IL12RB2: variants seen among roughly 807,000 people sequenced by gnomAD.
The protein encoded by IL12RB2 is interleukin-12 receptor subunit beta-2.
A neutral mutation model predicts 89.4 loss-of-function variants in IL12RB2; 82 were observed. That is an observed-to-expected ratio of 0.92 (90% confidence interval 0.77 to 1.10). The LOEUF is 1.10. Among genes scored for constraint, IL12RB2 ranks in the 50% least tolerant of loss-of-function variants. IL12RB2 has a pLI of 0.00. For missense variants in IL12RB2, 963 were observed against 1,031.9 expected (o/e 0.93, Z 0.92); for synonymous variants, 368 against 370.1 (o/e 0.99, Z 0.07).
chr1:67,373,275 A>AT (rs1663572094), intron 13 of IL12RB2, among the ~76,000 whole-genome samples: 1 of 152,062 alleles, frequency 6.6e-6, no homozygotes, highest in South Asian at 2.1e-4. Flanking sequence ...TGTCCAGCTA[A>AT]TTTTTTAATT....
intron 2 of IL12RB2, among the ~76,000 whole-genome samples, chr1:67,315,841 G>C (rs1655687800): frequency 6.6e-6 from 1 of 152,154 alleles, no homozygotes; most frequent in Admixed American, 6.5e-5. Flanking sequence ...TTTCATATGG[G>C]AGTTTCACCT....
At chr1:67,310,100 A>C (rs6670734) in intron 1 of IL12RB2, among the ~76,000 whole-genome samples, 59,649 of 147,620 alleles carry the variant, frequency 0.4, 13,178 homozygotes, top group African/African-American at 0.6. Context: ...AGGAGAATCG[A>C]TTGAACCCGG....
chr1:67,396,169 C>T lies in IL12RB2; in HGVS notation c.*80C>T. 1 of 880,818 alleles carries T rather than the reference C, an allele frequency of 1.1e-6. No individual in the cohort carries two copies. Among genetic ancestry groups the T allele is most frequent in the South Asian group, 1.3e-5 (1 of 76,422 alleles). The allele number at this position is 880,818 out of a possible 1,614,324, so 54.6% of individuals were successfully genotyped here. A position where few individuals can be genotyped will look rare whatever the true frequency, so the allele number is the denominator to read the frequency against. On this transcript the variant is annotated 3_prime_UTR_variant, in exon 17 of 17. Transcript: ENST00000674203. ...CCAATTCCCCCAGCCCCTGCTCCAG[C>T]AGCTGTCATCTCTGGGTGCCACCAT... is the stretch of plus-strand genomic sequence containing the variant.
At chr1:67,340,975 C>T (rs1267486636) in intron 9 of IL12RB2, among the ~76,000 whole-genome samples, 1 of 152,190 alleles carries the variant, frequency 6.6e-6, no homozygotes, top group Non-Finnish European at 1.5e-5. Flanking sequence ...TATTCTGGGA[C>T]AGGGAGAATC....
At chr1:67,320,300 T>G in intron 2 of IL12RB2, 33 bp from the exon 3 acceptor site, 2 of 1,612,784 alleles carry the variant, frequency 1.2e-6, no homozygotes, top group Non-Finnish European at 1.7e-6. Context: ...TCTGAACATA[T>G]TTAACATGAA....
At position 67,328,315 on chromosome 1, in the gene IL12RB2, A is replaced by T. The variant is rs1455587087; in HGVS notation, c.595A>T (p.Lys199Ter). The T allele has an allele frequency of 6.2e-7, 1 of 1,614,154 alleles. No homozygotes were observed. Among genetic ancestry groups the T allele is most frequent in the Non-Finnish European group, 8.5e-7 (1 of 1,180,018 alleles). Residue 199 changes from lysine (K) to a stop codon, truncating the protein, a stop_gained, in exon 6 of 17, where the codon AAG (lysine) becomes TAG (stop). Coordinates refer to ENST00000674203, the MANE Select transcript of IL12RB2 (RefSeq NM_001374259.2). LOFTEE classifies it high-confidence loss of function. ...PESPESNFTA[K>*]VTAVNSLGSS... ...ATCACCTGAATCCAATTTCACAGCC[A>T]AGGTTACTGCTGTCAATAGTCTTGG...
chr1:67,343,634 A>G (rs10889683), intron 9 of IL12RB2, among the ~76,000 whole-genome samples: 2 of 151,942 alleles, frequency 1.3e-5, no homozygotes, highest in Non-Finnish European at 2.9e-5. Flanking sequence ...TTCTTTCCTT[A>G]ATTAAGTATC....
chr1:67,329,761 T>G, intron 7 of IL12RB2, 32 bp downstream of exon 7: 1 of 1,489,504 alleles, frequency 6.7e-7, no homozygotes, highest in Non-Finnish European at 9.4e-7. Context: ...GAAAAAACAC[T>G]GAAGCATTCT....
chr1:67,324,587 G>A (rs148300529), intron 4 of IL12RB2, among the ~76,000 whole-genome samples: 41 of 152,342 alleles, frequency 2.7e-4, no homozygotes, highest in Middle Eastern at 3.4e-3. Flanking sequence ...CTGGGCTCAA[G>A]CTGTCTGCCT....
rs369298433 is a variant in IL12RB2 at position 67,350,964 on chromosome 1, C to T, written c.1133C>T (p.Thr378Ile). The change falls in exon 10 of 17, where the codon ACA (threonine) becomes ATA (isoleucine). Residue 378 changes from threonine (T) to isoleucine (I), a missense_variant. Physicochemically the swap from Thr to Ile is moderately conservative, Grantham distance 89 (BLOSUM62 -1). Transcript: ENST00000674203. ...GGGAAAGCCATGACACAGAACATCA[C>T]AGGACACACCTCCTGGACCACAGTC... ...TGGKAMTQNI[T>I]GHTSWTTVIP... is the part of the protein sequence containing the mutation. 2.2e-5 allele frequency: 36 copies of T among 1,614,018 alleles called. No homozygotes were observed. The African/African-American group carries it at 3.9e-4, about 17-fold the overall frequency.
Position 67,367,832 on chromosome 1 carries a change from G to A in IL12RB2, c.1266G>A (p.Leu422=), listed in dbSNP as rs1662876072. The A allele has an allele frequency of 1.3e-6, 2 of 1,568,430 alleles. No homozygotes were observed. The highest frequency in any genetic ancestry group is 2.2e-5 in the South Asian group (2 of 90,166). ...TCTTTCTGTCCGATAAAGGGTTGCT[G>A]GCTCCTCGCCAGGTCTCTGCAAACT... ...NIMNLCEAGL[L]APRQVSANSE... Residue 422 remains leucine, a synonymous_variant, in exon 11 of 17, where the codon CTG becomes CTA. Coordinates refer to ENST00000674203, the MANE Select transcript of IL12RB2 (RefSeq NM_001374259.2).
chr1:67,336,932 A>G (rs1450338707), intron 8 of IL12RB2, among the ~76,000 whole-genome samples: 1 of 152,212 alleles, frequency 6.6e-6, no homozygotes, highest in Non-Finnish European at 1.5e-5. Context: ...AGCACGCTCC[A>G]CTGAAATTCC....
intron 9 of IL12RB2, among the ~76,000 whole-genome samples, chr1:67,340,588 G>A (rs1458258296): frequency 6.6e-6 from 1 of 152,226 alleles, no homozygotes; most frequent in Non-Finnish European, 1.5e-5. Flanking sequence ...GGACACAAAT[G>A]TAAAAATCAC....
rs1166278635 is a variant in IL12RB2, at chr1:67,320,923, G to GCCCACC, written c.76+489_76+494dup. ...CCCATGACAGGCCCTGGTTCGTGAT[G>GCCCACC]CCCACCCCCACCCCCGTGTCCATGT... is the stretch of plus-strand genomic sequence containing the variant. On this transcript the variant is annotated intron_variant, in intron 3 of 16. Coordinates refer to ENST00000674203, the MANE Select transcript of IL12RB2 (RefSeq NM_001374259.2). Among the ~76,000 whole-genome samples the GCCCACC allele has an allele frequency of 1.1e-4, 8 of 75,972 alleles. No individual in the cohort carries two copies. In the East Asian group the frequency reaches 2.3e-3, roughly 21 times the overall value. The allele number at this position is 75,972 out of a possible 152,430, so 49.8% of individuals were successfully genotyped here.
intron 4 of IL12RB2, among the ~76,000 whole-genome samples, chr1:67,324,509 C>T (rs1310376885): frequency 6.6e-6 from 1 of 152,156 alleles, no homozygotes; most frequent in Non-Finnish European, 1.5e-5. Context: ...ACACGCACCA[C>T]CATGTCTGGC....
intron 10 of IL12RB2, among the ~76,000 whole-genome samples, chr1:67,359,929 A>T (rs1156919785): frequency 6.6e-6 from 1 of 152,096 alleles, no homozygotes; most frequent in Non-Finnish European, 1.5e-5. Flanking sequence ...GAGAATCACA[A>T]ATTACCATAG....
chr1:67,356,708 C>A (rs907072198), intron 10 of IL12RB2, among the ~76,000 whole-genome samples: 1 of 151,984 alleles, frequency 6.6e-6, no homozygotes, highest in East Asian at 1.9e-4. Context: ...ACATGGAGGA[C>A]CATGAGCTAT....
intron 11 of IL12RB2, among the ~76,000 whole-genome samples, chr1:67,368,252 G>A (rs1331278698): frequency 6.6e-6 from 1 of 152,162 alleles, no homozygotes; most frequent in African/African-American, 2.4e-5. Flanking sequence ...CATATCCCTA[G>A]CACAATGCCA....
In IL12RB2 at chr1:67,377,330, A is replaced by T. The variant is rs144216405; in HGVS notation, c.1718-2656A>T. ...TGCCCTGGAGTTTGTGAGCCAGTAT[A>T]TGTTGAGTATATGACGCTGAGTTCT... On this transcript the variant is annotated intron_variant, in intron 13 of 16. Coordinates refer to ENST00000674203, the MANE Select transcript of IL12RB2 (RefSeq NM_001374259.2). 8.3e-4 allele frequency among the ~76,000 whole-genome samples: 126 copies of T among 152,322 alleles called. No individual in the cohort carries two copies. In the East Asian group the frequency reaches 0.019, roughly 23 times the overall value.
Sources: gnomAD v4.1 joint callset for allele counts (sites outside exome capture counted in the v4.1 genomes callset) on GRCh38, gnomAD v4.1.1 for gene constraint, MANE v1.5 for transcripts, NCBI Gene and HGNC (gene_info 2026-07-23, HGNC 2026-07-21) for gene names.